Variants in PCDHA6 observed in about 807,000 individuals in gnomAD.
The protein encoded by PCDHA6 is protocadherin alpha 6, also known as protocadherin alpha-6.
PCDHA6 carries 55 observed loss-of-function variants against 60.3 expected under a neutral mutation model. The ratio of observed to expected loss-of-function variants is 0.91; its 90% CI spans 0.73 to 1.14. The LOEUF is 1.14. Among genes scored for constraint, PCDHA6 ranks in the 50% most tolerant of loss-of-function variants. PCDHA6 has a pLI of 0.00. For missense variants in PCDHA6, 1,327 were observed against 1,256.5 expected (o/e 1.06, Z -0.85); for synonymous variants, 652 against 557.9 (o/e 1.17, Z -2.38).
rs2150178196 is a variant in PCDHA6, at chr5:140,829,934, G to A, written c.1843G>A (p.Ala615Thr). 6.2e-7 allele frequency: 1 copy of A among 1,613,996 alleles called. No homozygotes were observed. Among genetic ancestry groups the A allele is most frequent in the East Asian group, 2.2e-5 (1 of 44,882 alleles). ...AWLSYELQPP[A>T]SSARFPFRVG... is the part of the protein sequence containing the mutation. ...GCTTTCGTATGAGCTGCAGCCCCCGGCAAGCAGCGCTCGCTTCCCGTTTCG... is the reference window on the plus strand; with the variant it reads ...GCTTTCGTATGAGCTGCAGCCCCCGACAAGCAGCGCTCGCTTCCCGTTTCG... The change falls in exon 1 of 4, where the codon GCA (alanine) becomes ACA (threonine). Residue 615 changes from alanine (A) to threonine (T), a missense_variant. Ala to Thr is a moderately conservative substitution (Grantham distance 58, BLOSUM62 0). Transcript: ENST00000529310.
At chr5:140,869,392 G>A in intron 1 of PCDHA6, 1 of 1,614,164 alleles carries the variant, frequency 6.2e-7, no homozygotes, top group Non-Finnish European at 8.5e-7. Context: ...GGAGCTGTGC[G>A]GGCAGAGCGC....
chr5:140,828,896 C>A lies in PCDHA6; in HGVS notation c.805C>A (p.Arg269=), dbSNP rs138760871. The change falls in exon 1 of 4, where the codon CGG becomes AGG. Residue 269 remains arginine, a synonymous_variant. Coordinates refer to ENST00000529310, the MANE Select transcript of PCDHA6 (RefSeq NM_018909.4). ...TTVIRLNASD[R]DEGANGAISY... ...AGTTATCAGACTGAATGCTTCTGAT[C>A]GGGATGAAGGAGCGAATGGGGCAAT... 63 of 1,614,060 alleles carry A rather than the reference C, an allele frequency of 3.9e-5. No homozygotes were observed. In the Admixed American group the frequency reaches 8.8e-4, roughly 23 times the overall value.
At chr5:140,992,637 G>A (rs31872) in intron 3 of PCDHA6, among the ~76,000 whole-genome samples, 103,738 of 151,942 alleles carry the variant, frequency 0.68, 36,576 homozygotes, top group African/African-American at 0.86. Flanking sequence ...AACTTCCCTG[G>A]AAAATAGAAG....
intron 1 of PCDHA6, among the ~76,000 whole-genome samples, chr5:140,953,512 C>G (rs2094896275): frequency 6.6e-6 from 1 of 152,106 alleles, no homozygotes; most frequent in Non-Finnish European, 1.5e-5. Context: ...TAGGCCAAAG[C>G]AACAAAAACG....
Position 140,923,994 on chromosome 5 carries a change from C to T in PCDHA6, c.2395-54955C>T, listed in dbSNP as rs147193427. ...ACATACTATCCCTCTAGGTGCAGCT[C>T]AGAATTCCTAAACCTGGTATAATTG... On this transcript the variant is annotated intron_variant, in intron 1 of 3. Transcript: ENST00000529310. Among the ~76,000 whole-genome samples the T allele has an allele frequency of 8.1e-3, 1,228 of 152,292 alleles. 6 individuals are homozygous for T. The highest frequency in any genetic ancestry group is 0.019 in the African/African-American group (795 of 41,560).
chr5:140,882,420 A>C, intron 1 of PCDHA6: 1 of 1,614,046 alleles, frequency 6.2e-7, no homozygotes, highest in East Asian at 2.2e-5. Context: ...ATCGCTCAGG[A>C]CCTGGGGCTG....
chr5:140,869,144 T>A, intron 1 of PCDHA6: 1 of 1,613,654 alleles, frequency 6.2e-7, no homozygotes, highest in Non-Finnish European at 8.5e-7. Context: ...ACCCCACGAC[T>A]ACAGCTCTGG....
chr5:140,883,950 A>G (rs373518493), intron 1 of PCDHA6: 3 of 1,613,288 alleles, frequency 1.9e-6, no homozygotes, highest in South Asian at 1.1e-5. Flanking sequence ...GAGAACGACA[A>G]CGCTCCGGCG....
intron 1 of PCDHA6, chr5:140,848,977 A>C (rs2150427682): frequency 6.2e-7 from 1 of 1,600,464 alleles, no homozygotes; most frequent in South Asian, 1.1e-5. Context: ...TCCGATGCAG[A>C]TATCGGGGAG....
At chr5:140,876,058 C>G in intron 1 of PCDHA6, 4 of 1,613,868 alleles carry the variant, frequency 2.5e-6, no homozygotes, top group Non-Finnish European at 3.4e-6. Flanking sequence ...TGAATTAGTT[C>G]TTCGGAAGTT....
At chr5:140,834,657 C>T (rs2150223587) in intron 1 of PCDHA6, 4 of 1,614,136 alleles carry the variant, frequency 2.5e-6, no homozygotes, top group South Asian at 1.1e-5. Context: ...TCGGATCGAC[C>T]GCGAGGAGCT....
At chr5:140,838,073 ATATAGTGTGT>A (rs1415475897) in intron 1 of PCDHA6, among the ~76,000 whole-genome samples, 44 of 126,826 alleles carry the variant, frequency 3.5e-4, no homozygotes, top group Admixed American at 1.0e-3. Context: ...AGTTATATAT[ATATAGTGTGT>A]GTGTGTGTGT....
intron 1 of PCDHA6, chr5:140,862,303 T>C (rs2047298994): frequency 3.6e-6 from 1 of 279,072 alleles, no homozygotes; most frequent in South Asian, 4.0e-5. Flanking sequence ...CTCCACTGGG[T>C]ACCGTCATAG....
rs1012417649 is a variant in PCDHA6 at position 141,010,189 on chromosome 5, T to C, written c.*252T>C. On this transcript the variant is annotated 3_prime_UTR_variant, in exon 4 of 4. Coordinates refer to ENST00000529310, the MANE Select transcript of PCDHA6 (RefSeq NM_018909.4). ...AGAACCTAAAAAGCAGACCCAAGTT[T>C]CCTTTCTCCTCCGCCGCAAAGGAGA... 6 of 1,552,498 alleles carry C rather than the reference T, an allele frequency of 3.9e-6. No individual in the cohort carries two copies. Among genetic ancestry groups the C allele is most frequent in the Middle Eastern group, 1.7e-4 (1 of 5,994 alleles).
At chr5:140,884,917 C>G (rs1343503909) in intron 1 of PCDHA6, among the ~76,000 whole-genome samples, 1 of 152,168 alleles carries the variant, frequency 6.6e-6, no homozygotes, top group Non-Finnish European at 1.5e-5. Flanking sequence ...CTTAATAGTT[C>G]TAAGTATTTA....
intron 1 of PCDHA6, chr5:140,875,679 A>T (rs1554167850): frequency 4.3e-6 from 7 of 1,613,916 alleles, no homozygotes; most frequent in Non-Finnish European, 8.5e-7. Context: ...TGGCGTCCAA[A>T]AGACACGGGG....
intron 1 of PCDHA6, among the ~76,000 whole-genome samples, chr5:140,908,630 CA>C (rs2074062492): frequency 6.6e-6 from 1 of 152,126 alleles, no homozygotes; most frequent in East Asian, 1.9e-4. Flanking sequence ...TTGAGGTCTC[CA>C]CTGTGATTCA....
At chr5:140,871,735 A>T in intron 1 of PCDHA6, 1 of 686,792 alleles carries the variant, frequency 1.5e-6, no homozygotes, top group Non-Finnish European at 2.3e-6. Context: ...TTTGGTTAGC[A>T]AATCCTAAAA....
In PCDHA6 at chr5:140,855,924, G is replaced by A. The variant is rs990164410; in HGVS notation, c.2394+25439G>A. 3.2e-5 allele frequency: 40 copies of A among 1,236,784 alleles called. 2 individuals are homozygous for A. In the Admixed American group the frequency reaches 7.8e-4, roughly 24 times the overall value. 76.6% of individuals were successfully genotyped at this position (1,236,784 alleles called of 1,614,324 possible). A position where few individuals can be genotyped will look rare whatever the true frequency, so the allele number is the denominator to read the frequency against. On this transcript the variant is annotated intron_variant, in intron 1 of 3. Coordinates refer to ENST00000529310, the MANE Select transcript of PCDHA6 (RefSeq NM_018909.4). ...CCAGTTTCTCAAGGACTAGGAAGTA[G>A]CGTCATTCTGAGATCTCAGCCATTT...
Sources: allele counts gnomAD v4.1 joint callset (sites outside exome capture counted in the v4.1 genomes callset), GRCh38; gene constraint gnomAD v4.1.1; transcripts MANE v1.5; gene names NCBI Gene and HGNC (gene_info 2026-07-23, HGNC 2026-07-21).